Variants in ING2 observed in about 807,000 individuals in gnomAD.
ING2 encodes the protein inhibitor of growth protein 2.
A neutral mutation model predicts 30.6 loss-of-function variants in ING2; 7 were observed. The ratio of observed to expected loss-of-function variants is 0.23; its 90% CI spans 0.13 to 0.43. The LOEUF (loss-of-function observed/expected upper bound fraction) is 0.43, where lower values mean the gene tolerates loss of function less well. ING2 is among the 20% of genes least tolerant of loss of function. ING2 has a pLI of 1.00. For synonymous variants in ING2, 136 were observed against 121.7 expected, an observed-to-expected ratio of 1.12 and a Z score of -0.78; for missense variants, 239 against 334.9, an observed-to-expected ratio of 0.71 and a Z score of 2.24.
intron 1 of ING2, among the ~76,000 whole-genome samples, chr4:183,509,734 CT>C (rs35064658): frequency 0.34 from 39,297 of 115,850 alleles, 6,466 homozygotes; most frequent in African/African-American, 0.48. Flanking sequence ...CGCGCCTGGC[CT>C]TTTTTTTTTT....
Position 183,505,178 on chromosome 4 carries a change from A to G in ING2, c.-18A>G, listed in dbSNP as rs1206285463. On this transcript the variant is annotated 5_prime_UTR_variant, in exon 1 of 2. Coordinates refer to ENST00000302327, the MANE Select transcript of ING2 (RefSeq NM_001564.4). Reference sequence around the variant, plus strand: ...GCTGCTGGATGCGGAGGCGGCGGCGACGGCGCGGATCGGCAGGATGTTAGG... The same window carrying G: ...GCTGCTGGATGCGGAGGCGGCGGCGGCGGCGCGGATCGGCAGGATGTTAGG... 6 of 1,588,832 alleles carry G rather than the reference A, an allele frequency of 3.8e-6. No homozygotes were observed. Among genetic ancestry groups the G allele is most frequent in the Non-Finnish European group, 5.1e-6 (6 of 1,170,068 alleles).
Position 183,512,264 on chromosome 4 carries a change from C to T in ING2, c.*1312C>T, listed in dbSNP as rs760906353. ...TGGGAAAAAAAAATGCTTTTTTTCT[C>T]TTCTAGCTCTCCTGTGTGACTTTTA... On this transcript the variant is annotated 3_prime_UTR_variant, in exon 2 of 2. Coordinates refer to ENST00000302327, the MANE Select transcript of ING2 (RefSeq NM_001564.4). Among the ~76,000 whole-genome samples the T allele has an allele frequency of 4.3e-4, 66 of 151,788 alleles. No individual in the cohort carries two copies. The highest frequency in any genetic ancestry group is 3.4e-3 in the Middle Eastern group (1 of 294).
rs1041187186 is a variant in ING2, at chr4:183,512,179, T to C, written c.*1227T>C. Among the ~76,000 whole-genome samples the C allele has an allele frequency of 6.6e-6, 1 of 152,208 alleles. No homozygotes were observed. Among genetic ancestry groups the C allele is most frequent in the Non-Finnish European group, 1.5e-5 (1 of 68,030 alleles). ...TAACGTATGTTTTATTCCTCATTTC[T>C]TCCTAATCTGATGATCTTGATTCTT... On this transcript the variant is annotated 3_prime_UTR_variant, in exon 2 of 2. Coordinates refer to ENST00000302327, the MANE Select transcript of ING2 (RefSeq NM_001564.4).
chr4:183,509,410 A>G (rs1208808365), intron 1 of ING2, among the ~76,000 whole-genome samples: 1 of 152,058 alleles, frequency 6.6e-6, no homozygotes, highest in African/African-American at 2.4e-5. Context: ...GCCCATGAGA[A>G]ATACTTTTGA....
chr4:183,507,828 TGA>T (rs1200522644), intron 1 of ING2, among the ~76,000 whole-genome samples: 2 of 152,140 alleles, frequency 1.3e-5, no homozygotes, highest in African/African-American at 4.8e-5. Flanking sequence ...CTAACCTACT[TGA>T]GACACTTTCA....
chr4:183,508,807 G>T (rs915051723), intron 1 of ING2, among the ~76,000 whole-genome samples: 1 of 152,156 alleles, frequency 6.6e-6, no homozygotes, highest in Non-Finnish European at 1.5e-5. Flanking sequence ...AAATAAAACG[G>T]ATTCGAGCAA....
intron 1 of ING2, chr4:183,506,139 G>A (rs1734640456): frequency 4.8e-6 from 6 of 1,252,640 alleles, no homozygotes; most frequent in African/African-American, 3.1e-5. Context: ...TCGCGAGAGG[G>A]GCGGTGGCGA....
chr4:183,509,942 G>T (rs1377235845), intron 1 of ING2, among the ~76,000 whole-genome samples: 1 of 148,156 alleles, frequency 6.7e-6, no homozygotes, highest in Non-Finnish European at 1.5e-5. Context: ...CACTATCTTG[G>T]CCAGGTTGGT....
At chr4:183,507,885 A>G (rs1006692248) in intron 1 of ING2, among the ~76,000 whole-genome samples, 3 of 152,214 alleles carry the variant, frequency 2.0e-5, no homozygotes, top group African/African-American at 7.2e-5. Context: ...GAAGAAAACA[A>G]TTTCACAATT....
At chr4:183,506,255 C>T (rs193061380) in intron 1 of ING2, 1 of 1,304,196 alleles carries the variant, frequency 7.7e-7, no homozygotes, top group South Asian at 1.2e-5. Flanking sequence ...TTTCCAACCT[C>T]TTTCCCAGTC....
In ING2 at chr4:183,505,246, C is replaced by T. The variant is rs779797468; in HGVS notation, c.51C>T (p.Thr17=). The T allele has an allele frequency of 5.6e-6, 9 of 1,597,870 alleles. No homozygotes were observed. The highest frequency in any genetic ancestry group is 4.0e-5 in the African/African-American group (3 of 74,266). ...QQLYSSAALL[T]GERSRLLTCY... ...TGTACTCGTCGGCCGCGCTCCTGAC[C>T]GGGGAGCGGAGCCGGCTGCTCACCT... The change falls in exon 1 of 2, where the codon ACC becomes ACT. Residue 17 remains threonine, a synonymous_variant. Transcript: ENST00000302327.
intron 1 of ING2, among the ~76,000 whole-genome samples, chr4:183,505,673 G>A (rs573778569): frequency 6.6e-6 from 1 of 152,264 alleles, no homozygotes; most frequent in African/African-American, 2.4e-5. Flanking sequence ...GCGCTGGCCC[G>A]CCCCGTGCCG....
rs190724803 is a variant in ING2, at chr4:183,511,643, T to C, written c.*691T>C. On this transcript the variant is annotated 3_prime_UTR_variant, in exon 2 of 2. Transcript: ENST00000302327. ...TAAGGGAGTTGTTTTGTGTTTTCTT[T>C]TAATTGGGACAGGTAAGAGTAGTTA... 1.3e-5 allele frequency among the ~76,000 whole-genome samples: 2 copies of C among 152,334 alleles called. No individual in the cohort carries two copies. The highest frequency in any genetic ancestry group is 2.9e-5 in the Non-Finnish European group (2 of 68,032).
chr4:183,510,492 C>A lies in ING2; in HGVS notation c.383C>A (p.Pro128His), dbSNP rs567761011. 41 of 1,614,112 alleles carry A rather than the reference C, an allele frequency of 2.5e-5. No individual in the cohort carries two copies. The South Asian group carries it at 4.3e-4, about 17-fold the overall frequency. The part of the protein sequence containing the change: ...MELHSQCFQD[P>H]AESERASDKA... The stretch of plus-strand genomic sequence containing the variant: ...TTACACTCACAGTGTTTCCAAGATC[C>A]TGCTGAAAGTGAACGAGCCTCAGAT... Residue 128 changes from proline to histidine, a missense_variant, in exon 2 of 2, where the codon CCT becomes CAT. Pro to His is a moderately conservative substitution (Grantham distance 77). This residue lies in a region of ING2 where 115 missense variants were observed against 120.1 expected (regional missense o/e 0.96). Transcript: ENST00000302327.
At chr4:183,508,498 A>G (rs1399003596) in intron 1 of ING2, among the ~76,000 whole-genome samples, 1 of 152,170 alleles carries the variant, frequency 6.6e-6, no homozygotes, top group Non-Finnish European at 1.5e-5. Flanking sequence ...AAAATATGCT[A>G]TGCAGGTGTA....
At position 183,511,450 on chromosome 4, in the gene ING2, G is replaced by GT. The variant is rs1482151567; in HGVS notation, c.*501dup. Among the ~76,000 whole-genome samples the GT allele has an allele frequency of 7.2e-5, 11 of 152,186 alleles. No homozygotes were observed. The highest frequency in any genetic ancestry group is 2.7e-4 in the African/African-American group (11 of 41,442). Reference sequence around the variant, plus strand: ...CTTGTTCATCTCTAGTCTTCTAGGAGTTTAAGGAACTGGAGATAAGAGTAA... The same window carrying GT: ...CTTGTTCATCTCTAGTCTTCTAGGAGTTTTAAGGAACTGGAGATAAGAGTAA... On this transcript the variant is annotated 3_prime_UTR_variant, in exon 2 of 2. Coordinates refer to ENST00000302327, the MANE Select transcript of ING2 (RefSeq NM_001564.4).
chr4:183,506,274 A>T, intron 1 of ING2: 1 of 1,304,306 alleles, frequency 7.7e-7, no homozygotes, highest in Non-Finnish European at 1.0e-6. Context: ...TCAATGGATC[A>T]GGACGGCGAT....
chr4:183,505,533 G>A (rs930237831), intron 1 of ING2, among the ~76,000 whole-genome samples, 166 bp downstream of exon 1: 3 of 152,098 alleles, frequency 2.0e-5, no homozygotes, highest in African/African-American at 7.2e-5. Flanking sequence ...GTGGCCCCGC[G>A]GTGGGCGAGT....
At chr4:183,508,628 G>T (rs187291944) in intron 1 of ING2, among the ~76,000 whole-genome samples, 10 of 152,220 alleles carry the variant, frequency 6.6e-5, no homozygotes, top group African/African-American at 2.4e-4. Flanking sequence ...TTGAATATTT[G>T]CTTTTGTGTG....
Sources: gnomAD v4.1 joint callset for allele counts (sites outside exome capture counted in the v4.1 genomes callset) on GRCh38, gnomAD v4.1.1 for gene constraint, gnomAD v4.1.1 regional missense constraint, MANE v1.5 for transcripts, NCBI Gene and HGNC (gene_info 2026-07-23, HGNC 2026-07-21) for gene names.